The following RALGAPB variants were observed in gnomAD, a reference collection of about 807,000 sequenced individuals.
RALGAPB encodes Ral GTPase activating protein non-catalytic subunit beta, also known as ral GTPase-activating protein subunit beta.
Under a neutral mutation model 161.1 loss-of-function variants are expected in RALGAPB, and 25 were observed. The ratio of observed to expected loss-of-function variants is 0.16; its 90% CI spans 0.11 to 0.22. RALGAPB has a LOEUF of 0.22. Ranked by LOEUF, RALGAPB falls within the 10% of genes least tolerant of loss-of-function variation. The probability of loss-of-function intolerance (pLI) is 1.00; values close to 1 mark genes in which losing one functional copy is unlikely to be tolerated. For missense variants in RALGAPB, 1,391 were observed against 1,815.2 expected, an observed-to-expected ratio of 0.77 and a Z score of 4.25; for synonymous variants, 629 against 626.1, an observed-to-expected ratio of 1.00 and a Z score of -0.07.
chr20:38,548,826 G>T (rs2087261750), intron 20 of RALGAPB, 31 bp downstream of exon 20: 2 of 1,532,698 alleles, frequency 1.3e-6, no homozygotes, highest in Admixed American at 1.7e-5. Flanking sequence ...GGAAGTGTGT[G>T]TGTGTTTTGT....
At chr20:38,473,651 C>A (rs541916533) in intron 1 of RALGAPB, among the ~76,000 whole-genome samples, 1 of 152,170 alleles carries the variant, frequency 6.6e-6, no homozygotes, top group East Asian at 1.9e-4. Flanking sequence ...ACTTAATTAC[C>A]CAAGGTCACA....
chr20:38,556,603 C>A (rs979622634), intron 22 of RALGAPB, among the ~76,000 whole-genome samples: 1 of 151,946 alleles, frequency 6.6e-6, no homozygotes, highest in African/African-American at 2.4e-5. Flanking sequence ...ACAAAAGTTA[C>A]CTTAACAAAC....
Position 38,556,730 on chromosome 20 carries a change from A to T in RALGAPB, c.3373-1565A>T, listed in dbSNP as rs1464126107. The stretch of plus-strand genomic sequence containing the variant: ...GAAGAACAAGCTGAGGAAATACCTT[A>T]CTTTAAAAAAAAAAGAAGAATGGGG... On this transcript the variant is annotated intron_variant, in intron 22 of 29. Coordinates refer to ENST00000262879, the MANE Select transcript of RALGAPB (RefSeq NM_020336.4). Among the ~76,000 whole-genome samples, 3 of 152,098 alleles carry T rather than the reference A, an allele frequency of 2.0e-5. No homozygotes were observed. The East Asian group carries it at 5.8e-4, about 29-fold the overall frequency.
At chr20:38,569,603 T>C in intron 26 of RALGAPB, 1 of 323,160 alleles carries the variant, frequency 3.1e-6, no homozygotes, top group East Asian at 5.5e-5. Flanking sequence ...CTCATTAAGA[T>C]ACTGTGTGTA....
intron 1 of RALGAPB, among the ~76,000 whole-genome samples, chr20:38,478,953 A>G (rs374864365): frequency 1.5e-4 from 23 of 152,162 alleles, no homozygotes; most frequent in Middle Eastern, 3.4e-3. Flanking sequence ...GCTTTGCCAT[A>G]TTGGCCAGGT....
At chr20:38,517,088 A>G (rs2086148641) in intron 7 of RALGAPB, among the ~76,000 whole-genome samples, 1 of 152,210 alleles carries the variant, frequency 6.6e-6, no homozygotes. Context: ...AGGCCCTTCC[A>G]TCTGGTGGCT....
chr20:38,493,260 A>G (rs2085328101), intron 3 of RALGAPB, 128 bp downstream of exon 3: 2 of 733,808 alleles, frequency 2.7e-6, no homozygotes, highest in South Asian at 1.9e-5. Flanking sequence ...TCAGTTAAAG[A>G]TTGTATTAAT....
At chr20:38,538,340 TTG>T (rs1472484770) in intron 16 of RALGAPB, 2 of 219,094 alleles carry the variant, frequency 9.1e-6, no homozygotes, top group Admixed American at 8.7e-5. Flanking sequence ...AGTGGTAAGA[TTG>T]GCCTTAAGAA....
At chr20:38,509,386 G>C (rs1373684188) in intron 6 of RALGAPB, among the ~76,000 whole-genome samples, 178 bp downstream of exon 6, 1 of 152,192 alleles carries the variant, frequency 6.6e-6, no homozygotes, top group Admixed American at 6.5e-5. Flanking sequence ...CCCCGTCCCA[G>C]CAGGGTTAGG....
intron 1 of RALGAPB, among the ~76,000 whole-genome samples, chr20:38,485,098 T>A (rs1357885979): frequency 6.6e-6 from 1 of 152,218 alleles, no homozygotes; most frequent in South Asian, 2.1e-4. Context: ...ATTGGAAAAT[T>A]CAGTCTATTA....
In RALGAPB at chr20:38,515,984, G is replaced by C. The variant is rs150609838; in HGVS notation, c.873-208G>C. On this transcript the variant is annotated intron_variant, in intron 6 of 29. Transcript: ENST00000262879. Reference sequence around the variant, plus strand: ...TTTCTAGTCTTACTTTGATTCTCATGCTTGGAGTAGGCAATGTTCATGTAA... The same window carrying C: ...TTTCTAGTCTTACTTTGATTCTCATCCTTGGAGTAGGCAATGTTCATGTAA... Among the ~76,000 whole-genome samples the C allele has an allele frequency of 3.2e-4, 49 of 152,262 alleles. No individual in the cohort carries two copies. In the East Asian group the frequency reaches 9.4e-3, roughly 29 times the overall value.
chr20:38,567,166 G>A lies in RALGAPB; in HGVS notation c.3888G>A (p.Leu1296=). Residue 1296 remains leucine, a synonymous_variant, in exon 26 of 30, where the codon CTG becomes CTA. Transcript: ENST00000262879. ...DSNMDLMPGI[L]KQPSLTLELF... ...ATATGGATCTTATGCCAGGAATTCT[G>A]AAACAGCCATCCCTGACACTTGAGC... is the stretch of plus-strand genomic sequence containing the variant. 6.2e-7 allele frequency: 1 copy of A among 1,613,612 alleles called. No individual in the cohort carries two copies. The highest frequency in any genetic ancestry group is 8.5e-7 in the Non-Finnish European group (1 of 1,179,716).
At chr20:38,563,792 T>C (rs2087880513) in intron 24 of RALGAPB, among the ~76,000 whole-genome samples, 1 of 152,196 alleles carries the variant, frequency 6.6e-6, no homozygotes, top group South Asian at 2.1e-4. Flanking sequence ...AAGTTTTTGG[T>C]GTCATTTGAT....
intron 2 of RALGAPB, 55 bp downstream of exon 2, chr20:38,488,673 G>A (rs1234814108): frequency 1.3e-6 from 2 of 1,518,492 alleles, no homozygotes; most frequent in East Asian, 2.3e-5. Flanking sequence ...TGTTCTTGAA[G>A]AATTTGTTTA....
intron 5 of RALGAPB, among the ~76,000 whole-genome samples, chr20:38,503,525 G>A (rs2085657869): frequency 6.6e-6 from 1 of 152,194 alleles, no homozygotes; most frequent in African/African-American, 2.4e-5. Context: ...ATGACTAATT[G>A]CTGCAATGTC....
At chr20:38,541,250 C>G in intron 18 of RALGAPB, 58 bp downstream of exon 18, 1 of 1,504,690 alleles carries the variant, frequency 6.6e-7, no homozygotes, top group East Asian at 2.3e-5. Context: ...TAGCAGTGAT[C>G]CATGTTGTTT....
chr20:38,569,810 A>G, intron 26 of RALGAPB, 78 bp from the exon 27 acceptor site: 2 of 1,045,212 alleles, frequency 1.9e-6, no homozygotes, highest in Non-Finnish European at 2.9e-6. Flanking sequence ...TGACAAATGA[A>G]TGACTGGGTA....
chr20:38,533,647 A>G (rs2086720835), intron 15 of RALGAPB, among the ~76,000 whole-genome samples: 2 of 152,148 alleles, frequency 1.3e-5, no homozygotes, highest in Admixed American at 6.5e-5. Flanking sequence ...GCATGTTTCT[A>G]TGGTTTAAGT....
At chr20:38,487,564 T>A (rs1185688827) in intron 1 of RALGAPB, among the ~76,000 whole-genome samples, 1 of 152,188 alleles carries the variant, frequency 6.6e-6, no homozygotes, top group Non-Finnish European at 1.5e-5. Flanking sequence ...GAAAAGGATG[T>A]ATTTTTAAGA....
Sources: gnomAD v4.1 joint callset for allele counts (sites outside exome capture counted in the v4.1 genomes callset) on GRCh38, gnomAD v4.1.1 for gene constraint, MANE v1.5 for transcripts, NCBI Gene and HGNC (gene_info 2026-07-23, HGNC 2026-07-21) for gene names.